Variants in NRXN3 observed in about 807,000 individuals in gnomAD.
NRXN3 encodes the protein neurexin 3.
A neutral mutation model predicts 137.6 loss-of-function variants in NRXN3; 32 were observed. The ratio of observed to expected loss-of-function variants is 0.23; its 90% CI spans 0.18 to 0.31. NRXN3 has a LOEUF of 0.31. Ranked by LOEUF, NRXN3 falls within the 10% of genes least tolerant of loss-of-function variation. The probability of loss-of-function intolerance (pLI) is 1.00; values close to 1 mark genes in which losing one functional copy is unlikely to be tolerated. For synonymous variants in NRXN3, 798 were observed against 784.5 expected, an observed-to-expected ratio of 1.02 and a Z score of -0.29; for missense variants, 1,574 against 2,062.5, an observed-to-expected ratio of 0.76 and a Z score of 4.59.
intron 17 of NRXN3, among the ~76,000 whole-genome samples, chr14:79,672,307 A>C (rs1258058592): frequency 6.6e-6 from 1 of 152,076 alleles, no homozygotes; most frequent in Non-Finnish European, 1.5e-5. Context: ...TTAGGGACTC[A>C]GTAAAATGAA....
chr14:78,173,960 G>T (rs2059018082), intron 1 of NRXN3, among the ~76,000 whole-genome samples: 1 of 151,750 alleles, frequency 6.6e-6, no homozygotes, highest in African/African-American at 2.4e-5. Context: ...GGGGACTGCG[G>T]TCACGTTAGA....
At chr14:78,412,129 A>G (rs573750711) in intron 4 of NRXN3, among the ~76,000 whole-genome samples, 1 of 152,324 alleles carries the variant, frequency 6.6e-6, no homozygotes, top group South Asian at 2.1e-4. Context: ...GCTCACTGAT[A>G]GACATTTCTT....
At chr14:79,243,424 CT>C (rs879335592) in intron 15 of NRXN3, among the ~76,000 whole-genome samples, 3 of 151,940 alleles carry the variant, frequency 2.0e-5, no homozygotes, top group African/African-American at 7.2e-5. Flanking sequence ...TAAAAGGAAT[CT>C]TTTTTTTGAG....
chr14:78,181,012 C>T (rs951496640), intron 1 of NRXN3, among the ~76,000 whole-genome samples: 3 of 152,166 alleles, frequency 2.0e-5, no homozygotes, highest in South Asian at 2.1e-4. Context: ...TTAAAGCTTC[C>T]AGGTGATCCC....
At chr14:78,692,285 G>A (rs530400118) in intron 6 of NRXN3, among the ~76,000 whole-genome samples, 1 of 152,190 alleles carries the variant, frequency 6.6e-6, no homozygotes, top group African/African-American at 2.4e-5. Context: ...ATAGGAAGTG[G>A]CTCCCAATTA....
At chr14:78,295,826 A>C (rs951569334) in intron 3 of NRXN3, among the ~76,000 whole-genome samples, 2 of 152,164 alleles carry the variant, frequency 1.3e-5, no homozygotes, top group African/African-American at 4.8e-5. Context: ...ACGAGGCTTG[A>C]ATCCCCTCTT....
chr14:78,714,348 A>AT, intron 7 of NRXN3, among the ~76,000 whole-genome samples: 1 of 152,254 alleles, frequency 6.6e-6, no homozygotes, highest in East Asian at 1.9e-4. Context: ...GGGGACAGTT[A>AT]TTTTCCCATT....
intron 7 of NRXN3, chr14:78,710,073 T>C (rs1326712730): frequency 5.6e-6 from 1 of 178,506 alleles, no homozygotes; most frequent in Non-Finnish European, 1.2e-5. Flanking sequence ...TAGGATAAAC[T>C]TCACTGTGCA....
At chr14:79,581,559 T>C (rs529465049) in intron 16 of NRXN3, among the ~76,000 whole-genome samples, 3 of 152,210 alleles carry the variant, frequency 2.0e-5, no homozygotes, top group Admixed American at 6.5e-5. Context: ...CAATGCCCCA[T>C]TGGATTTGTT....
At chr14:79,781,474 G>T (rs2099113632) in intron 19 of NRXN3, among the ~76,000 whole-genome samples, 1 of 152,198 alleles carries the variant, frequency 6.6e-6, no homozygotes, top group African/African-American at 2.4e-5. Flanking sequence ...TCATTCCCTT[G>T]CTCATGCTTC....
At chr14:78,549,662 C>T (rs1445150023) in intron 4 of NRXN3, among the ~76,000 whole-genome samples, 3 of 152,066 alleles carry the variant, frequency 2.0e-5, no homozygotes, top group Non-Finnish European at 4.4e-5. Context: ...TGTTTTGTTA[C>T]CATGGATGTT....
chr14:78,682,626 T>G (rs775131218), intron 6 of NRXN3, among the ~76,000 whole-genome samples: 1 of 151,844 alleles, frequency 6.6e-6, no homozygotes, highest in Non-Finnish European at 1.5e-5. Context: ...GTGTCCTAAG[T>G]GCTTACTTGT....
chr14:78,999,072 A>G (rs1430177943), intron 15 of NRXN3, among the ~76,000 whole-genome samples: 2 of 152,130 alleles, frequency 1.3e-5, no homozygotes, highest in African/African-American at 4.8e-5. Flanking sequence ...GCCAAGTGAA[A>G]TTAACAAATG....
chr14:79,079,115 T>TAGA (rs2046461186), intron 15 of NRXN3, among the ~76,000 whole-genome samples: 1 of 152,190 alleles, frequency 6.6e-6, no homozygotes, highest in Admixed American at 6.6e-5. Context: ...CTGGCACTCT[T>TAGA]CTGATTCCTG....
chr14:78,309,860 G>A (rs1365805223), intron 4 of NRXN3, among the ~76,000 whole-genome samples: 1 of 152,006 alleles, frequency 6.6e-6, no homozygotes, highest in African/African-American at 2.4e-5. Context: ...AGGAACTTTT[G>A]GATTGGCTTA....
At position 79,240,552 on chromosome 14, in the gene NRXN3, T is replaced by TC. The variant is rs200148233; in HGVS notation, c.3263-226667dup. On this transcript the variant is annotated intron_variant, in intron 15 of 20. Transcript: ENST00000335750. Reference sequence around the variant, plus strand: ...AAATCCTTGATCATGGCCACTAGCATCCTTGACAGTCTCTGGACACTTGGT... The same window carrying TC: ...AAATCCTTGATCATGGCCACTAGCATCCCTTGACAGTCTCTGGACACTTGGT... Among the ~76,000 whole-genome samples the TC allele has an allele frequency of 5.5e-3, 832 of 152,294 alleles. 6 individuals carry two copies. The highest frequency in any genetic ancestry group is 0.019 in the African/African-American group (793 of 41,574).
chr14:78,357,081 G>A (rs1450852193), intron 4 of NRXN3, among the ~76,000 whole-genome samples: 1 of 152,128 alleles, frequency 6.6e-6, no homozygotes, highest in Non-Finnish European at 1.5e-5. Context: ...TGAAGACAGG[G>A]GTGTATTAGT....
At chr14:79,229,758 G>A (rs747850047) in intron 15 of NRXN3, among the ~76,000 whole-genome samples, 2 of 152,080 alleles carry the variant, frequency 1.3e-5, no homozygotes, top group South Asian at 2.1e-4. Context: ...GTCCTCGTGC[G>A]TCTCTGTCTT....
chr14:78,876,366 GA>G (rs2099113861), intron 10 of NRXN3, among the ~76,000 whole-genome samples: 1 of 151,972 alleles, frequency 6.6e-6, no homozygotes, highest in African/African-American at 2.4e-5. Flanking sequence ...CTGCATAAAA[GA>G]AAAAAAGCAG....
Sources: gnomAD v4.1 joint callset for allele counts (sites outside exome capture counted in the v4.1 genomes callset) on GRCh38, gnomAD v4.1.1 for gene constraint, MANE v1.5 for transcripts, NCBI Gene and HGNC (gene_info 2026-07-23, HGNC 2026-07-21) for gene names.